Variants in NTF3 observed in about 807,000 individuals in gnomAD.
NTF3 encodes neurotrophin-3.
NTF3 carries 8 observed loss-of-function variants against 26.3 expected under a neutral mutation model. That is an observed-to-expected ratio of 0.30 (90% CI 0.18 to 0.55). The LOEUF (loss-of-function observed/expected upper bound fraction) is 0.55, where lower values mean the gene tolerates loss of function less well. NTF3 is among the 20% of genes least tolerant of loss of function. The pLI is 0.93. For missense variants in NTF3, 276 were observed against 352.9 expected (o/e 0.78, Z 1.75); for synonymous variants, 154 against 145.5 (o/e 1.06, Z -0.42).
intron 1 of NTF3, among the ~76,000 whole-genome samples, chr12:5,455,533 A>ACACAC (rs1940432819): frequency 1.9e-5 from 2 of 103,766 alleles, no homozygotes; most frequent in Non-Finnish European, 3.7e-5. Context: ...ACCCCTCCCC[A>ACACAC]ACACACACAC....
chr12:5,435,248 A>G (rs1940152249), intron 1 of NTF3, among the ~76,000 whole-genome samples: 1 of 152,238 alleles, frequency 6.6e-6, no homozygotes, highest in Non-Finnish European at 1.5e-5. Context: ...TCACCAGTTC[A>G]TATTGATAAT....
At chr12:5,465,681 A>G (rs1408891801) in intron 1 of NTF3, among the ~76,000 whole-genome samples, 1 of 152,222 alleles carries the variant, frequency 6.6e-6, no homozygotes, top group Admixed American at 6.5e-5. Context: ...ATGGCCACGC[A>G]AGGCTTTCAG....
chr12:5,492,298 C>T (rs369628096), intron 1 of NTF3, among the ~76,000 whole-genome samples: 6 of 152,156 alleles, frequency 3.9e-5, no homozygotes, highest in East Asian at 1.9e-4. Context: ...TCCTTAAGAG[C>T]GGATATCCTG....
intron 1 of NTF3, among the ~76,000 whole-genome samples, chr12:5,455,098 C>A (rs1940421886): frequency 6.6e-6 from 1 of 152,158 alleles, no homozygotes; most frequent in Admixed American, 6.5e-5. Flanking sequence ...GCTCCGGCCT[C>A]CTGCAGTGAG....
intron 1 of NTF3, among the ~76,000 whole-genome samples, chr12:5,455,961 A>G (rs1026163520): frequency 7.9e-5 from 12 of 152,036 alleles, no homozygotes; most frequent in African/African-American, 2.9e-4. Context: ...ATGATCGCCC[A>G]CCCCAGCCCA....
intron 1 of NTF3, among the ~76,000 whole-genome samples, chr12:5,488,786 C>T (rs140502328): frequency 3.2e-4 from 48 of 152,216 alleles, no homozygotes; most frequent in African/African-American, 1.1e-3. Context: ...ATGTCATAGC[C>T]GAAGAAATTC....
intron 1 of NTF3, among the ~76,000 whole-genome samples, chr12:5,476,823 T>G (rs183807467): frequency 2.1e-3 from 320 of 152,294 alleles, no homozygotes; most frequent in African/African-American, 7.5e-3. Context: ...AAGCCTAGAT[T>G]GTAATAGTAA....
chr12:5,438,216 T>G (rs1379934693), intron 1 of NTF3, among the ~76,000 whole-genome samples: 1 of 152,120 alleles, frequency 6.6e-6, no homozygotes, highest in African/African-American at 2.4e-5. Flanking sequence ...CACATGTAGA[T>G]GGCCCCAGAG....
chr12:5,474,753 C>T (rs996222730), intron 1 of NTF3, among the ~76,000 whole-genome samples: 19 of 151,770 alleles, frequency 1.3e-4, no homozygotes, highest in East Asian at 3.9e-4. Context: ...GTAATCCAGG[C>T]GAAAGAGGTA....
Position 5,494,842 on chromosome 12 carries a change from G to A in NTF3, c.667G>A (p.Asp223Asn). The change falls in exon 2 of 2, where the codon GAT becomes AAT. Residue 223 changes from aspartate (D) to asparagine (N), a missense_variant. Transcript: ENST00000423158. The surrounding 1 kb of genome is among the most constrained non-coding windows in gnomAD (Gnocchi z 8.3). ...CAAAAACGGTTGCAGGGGTATTGATGATAAACACTGGAACTCTCAGTGCAA... is the reference window on the plus strand; with the variant it reads ...CAAAAACGGTTGCAGGGGTATTGATAATAAACACTGGAACTCTCAGTGCAA... ...PVKNGCRGID[D>N]KHWNSQCKTS... is the part of the protein sequence containing the mutation. 1 of 1,614,124 alleles carries A rather than the reference G, an allele frequency of 6.2e-7. No homozygotes were observed. Among genetic ancestry groups the A allele is most frequent in the Non-Finnish European group, 8.5e-7 (1 of 1,180,026 alleles).
At chr12:5,442,213 G>GT (rs1017372847) in intron 1 of NTF3, among the ~76,000 whole-genome samples, 8 of 152,156 alleles carry the variant, frequency 5.3e-5, no homozygotes, top group Admixed American at 3.3e-4. Flanking sequence ...TTCAGGTGTT[G>GT]TTTTTTAGTA....
intron 1 of NTF3, among the ~76,000 whole-genome samples, chr12:5,477,581 A>G (rs903474909): frequency 6.6e-6 from 1 of 152,214 alleles, no homozygotes; most frequent in African/African-American, 2.4e-5. Flanking sequence ...GGGTTATTGT[A>G]GAATGAAGTC....
chr12:5,491,716 CTTTTTTT>C (rs5796156), intron 1 of NTF3, among the ~76,000 whole-genome samples: 56 of 98,266 alleles, frequency 5.7e-4, no homozygotes, highest in African/African-American at 2.1e-3. Context: ...CTCTCCTCTT[CTTTTTTT>C]TTTTTTTTTT....
upstream of NTF3, among the ~76,000 whole-genome samples, chr12:5,431,004 T>C (rs1003501164): frequency 1.3e-5 from 2 of 152,034 alleles, no homozygotes; most frequent in African/African-American, 2.4e-5. Context: ...CTTCTCTCGA[T>C]GGCAAATGGG....
intron 1 of NTF3, among the ~76,000 whole-genome samples, chr12:5,458,108 C>T (rs755924332): frequency 5.3e-5 from 8 of 152,200 alleles, no homozygotes; most frequent in Non-Finnish European, 1.0e-4. Context: ...CCACCTCTCT[C>T]TCACTCATAC....
At chr12:5,453,023 A>T (rs1420742045) in intron 1 of NTF3, among the ~76,000 whole-genome samples, 1 of 152,204 alleles carries the variant, frequency 6.6e-6, no homozygotes, top group African/African-American at 2.4e-5. Context: ...GATCGTTTAC[A>T]CATCCATCAT....
At chr12:5,446,298 G>A (rs901585167) in intron 1 of NTF3, among the ~76,000 whole-genome samples, 2 of 152,184 alleles carry the variant, frequency 1.3e-5, no homozygotes, top group African/African-American at 4.8e-5. Context: ...ATGCAAAGTG[G>A]TTTGTGATCT....
chr12:5,448,366 G>C lies in NTF3; in HGVS notation c.18+16024G>C, dbSNP rs1252399822. ...ATTTGCTGTTCCTTTTCATGGTGCT[G>C]GCTTTCCTGAGTTGGGTGGTTGCTA... On this transcript the variant is annotated intron_variant, in intron 1 of 1. Coordinates refer to ENST00000423158, the MANE Select transcript of NTF3 (RefSeq NM_001102654.2). 2.6e-5 allele frequency among the ~76,000 whole-genome samples: 4 copies of C among 152,244 alleles called. No individual in the cohort carries two copies. In the East Asian group the frequency reaches 7.7e-4, roughly 29 times the overall value.
intron 1 of NTF3, among the ~76,000 whole-genome samples, chr12:5,461,313 C>T (rs1378415215): frequency 6.6e-6 from 1 of 152,158 alleles, no homozygotes. Context: ...TCTCTAGGTT[C>T]TCAGCTGTGG....
Sources: allele counts gnomAD v4.1 joint callset (sites outside exome capture counted in the v4.1 genomes callset), GRCh38; gene constraint gnomAD v4.1.1; non-coding constraint Gnocchi (gnomAD v3.1); transcripts MANE v1.5; gene names NCBI Gene and HGNC (gene_info 2026-07-23, HGNC 2026-07-21).